Variants in NEK10 observed in about 807,000 individuals in gnomAD.
The protein encoded by NEK10 is serine/threonine-protein kinase Nek10.
NEK10 carries 122 observed loss-of-function variants against 159.8 expected under a neutral mutation model. The observed-to-expected ratio is 0.76, with a 90% CI of 0.66 to 0.89. The LOEUF (loss-of-function observed/expected upper bound fraction) is 0.89. NEK10 is among the 40% of genes least tolerant of loss of function. The pLI, the probability that NEK10 is intolerant of heterozygous loss-of-function variation, is 0.00. For synonymous variants in NEK10, 466 were observed against 457.1 expected, an observed-to-expected ratio of 1.02 and a Z score of -0.25; for missense variants, 1,342 against 1,323.1, an observed-to-expected ratio of 1.01 and a Z score of -0.22.
chr3:27,170,001 T>A (rs996325996), intron 29 of NEK10, among the ~76,000 whole-genome samples: 29 of 152,242 alleles, frequency 1.9e-4, no homozygotes, highest in African/African-American at 5.8e-4. Flanking sequence ...CCCAAAAATG[T>A]CTCCTTTATA....
At chr3:27,142,760 A>G (rs1283264270) in intron 30 of NEK10, among the ~76,000 whole-genome samples, 1 of 152,232 alleles carries the variant, frequency 6.6e-6, no homozygotes, top group Non-Finnish European at 1.5e-5. Context: ...TTATAAGCAC[A>G]TGAAAATGTA....
At position 27,352,889 on chromosome 3, in the gene NEK10, A is replaced by T; in HGVS notation, c.-7T>A. On this transcript the variant is annotated 5_prime_UTR_variant, in exon 2 of 36. Coordinates refer to ENST00000691995, the MANE Select transcript of NEK10 (RefSeq NM_001394966.1). The stretch of plus-strand genomic sequence containing the variant: ...TTTTATCTTGATCAGGCATTGTAAA[A>T]CATCAATGCCCCAGAATTAACATCG... The T allele has an allele frequency of 6.3e-7, 1 of 1,591,108 alleles. No individual in the cohort carries two copies. Among genetic ancestry groups the T allele is most frequent in the Non-Finnish European group, 8.6e-7 (1 of 1,160,312 alleles).
At chr3:27,296,530 G>T (rs1294874407) in intron 14 of NEK10, among the ~76,000 whole-genome samples, 1 of 152,172 alleles carries the variant, frequency 6.6e-6, no homozygotes, top group Non-Finnish European at 1.5e-5. Flanking sequence ...TACGGATCTT[G>T]AAGTTGGATA....
intron 22 of NEK10, among the ~76,000 whole-genome samples, chr3:27,272,353 A>T (rs1475002348): frequency 6.6e-6 from 1 of 152,152 alleles, no homozygotes; most frequent in Non-Finnish European, 1.5e-5. Flanking sequence ...CCTGGGCTTG[A>T]AATCTTTGCC....
intron 26 of NEK10, among the ~76,000 whole-genome samples, chr3:27,176,626 T>G (rs994808822): frequency 1.3e-5 from 2 of 152,210 alleles, no homozygotes; most frequent in Non-Finnish European, 2.9e-5. Flanking sequence ...CACAAAACCC[T>G]TCTTCCTCTA....
chr3:27,121,015 T>A (rs1323130797), intron 32 of NEK10, among the ~76,000 whole-genome samples: 1 of 152,174 alleles, frequency 6.6e-6, no homozygotes, highest in Non-Finnish European at 1.5e-5. Flanking sequence ...GAGAAAACTA[T>A]TTGCAATAGA....
intron 1 of NEK10, among the ~76,000 whole-genome samples, chr3:27,365,163 T>C (rs1011590883): frequency 6.6e-6 from 1 of 152,246 alleles, no homozygotes; most frequent in Non-Finnish European, 1.5e-5. Flanking sequence ...ATTTTATTCA[T>C]ACTTTTCATA....
chr3:27,163,509 G>A (rs555323524), intron 29 of NEK10, among the ~76,000 whole-genome samples: 19 of 151,998 alleles, frequency 1.3e-4, no homozygotes, highest in African/African-American at 4.6e-4. Flanking sequence ...CCGCCACCAC[G>A]CCCAGCTAAT....
chr3:27,278,595 T>C (rs143989408), intron 22 of NEK10: 41 of 619,422 alleles, frequency 6.6e-5, no homozygotes, highest in Non-Finnish European at 7.9e-5. Context: ...GCCTGTTTGT[T>C]TGCAAGATGA....
chr3:27,213,254 TC>T (rs1465604110), intron 23 of NEK10, among the ~76,000 whole-genome samples: 1 of 152,156 alleles, frequency 6.6e-6, no homozygotes, highest in Non-Finnish European at 1.5e-5. Context: ...GAACCTGGAC[TC>T]CCTCCACTGG....
intron 30 of NEK10, among the ~76,000 whole-genome samples, chr3:27,142,663 C>T (rs1943899989): frequency 6.6e-6 from 1 of 152,138 alleles, no homozygotes; most frequent in Non-Finnish European, 1.5e-5. Flanking sequence ...CCTGAGAAAG[C>T]TTGCATATTT....
At chr3:27,249,990 G>T (rs890943360) in intron 23 of NEK10, among the ~76,000 whole-genome samples, 1 of 152,018 alleles carries the variant, frequency 6.6e-6, no homozygotes, top group African/African-American at 2.4e-5. Context: ...CAAGCAAAAA[G>T]AAAACATAAA....
chr3:27,213,458 C>A (rs1379870789), intron 23 of NEK10, among the ~76,000 whole-genome samples: 2 of 152,092 alleles, frequency 1.3e-5, no homozygotes, highest in Non-Finnish European at 2.9e-5. Context: ...ACTAACGTGA[C>A]CAAAAATTAA....
chr3:27,312,219 A>G (rs376443317), intron 7 of NEK10, 42 bp from the exon 8 acceptor site: 386 of 1,273,404 alleles, frequency 3.0e-4, no homozygotes, highest in Non-Finnish European at 3.9e-4. Flanking sequence ...AGGACACCAA[A>G]AGCACCCAAG....
chr3:27,326,855 C>T (rs978037648), intron 5 of NEK10, among the ~76,000 whole-genome samples: 19 of 152,148 alleles, frequency 1.2e-4, no homozygotes, highest in Non-Finnish European at 1.2e-4. Flanking sequence ...GGCTCTCAGC[C>T]CTTAACCCAC....
chr3:27,294,083 T>C (rs1189253061), intron 15 of NEK10, among the ~76,000 whole-genome samples: 1 of 152,206 alleles, frequency 6.6e-6, no homozygotes, highest in Non-Finnish European at 1.5e-5. Flanking sequence ...CATATAAAAA[T>C]AGCCGCAGGC....
intron 22 of NEK10, among the ~76,000 whole-genome samples, chr3:27,267,623 G>T (rs79450782): frequency 2.6e-5 from 4 of 151,982 alleles, no homozygotes; most frequent in Admixed American, 2.6e-4. Flanking sequence ...CATATAAGAC[G>T]GCAAACTTAA....
At chr3:27,308,009 T>G in intron 10 of NEK10, 64 bp from the exon 11 acceptor site, 1 of 783,108 alleles carries the variant, frequency 1.3e-6, no homozygotes, top group African/African-American at 1.7e-5. Context: ...GTATTAGTCC[T>G]TTTTCAAACT....
intron 22 of NEK10, among the ~76,000 whole-genome samples, chr3:27,282,760 C>T (rs1241242319): frequency 2.1e-5 from 3 of 140,232 alleles, no homozygotes; most frequent in African/African-American, 5.2e-5. Context: ...TATATATATA[C>T]TATTTGTTAT....
Sources: allele counts gnomAD v4.1 joint callset (sites outside exome capture counted in the v4.1 genomes callset), GRCh38; gene constraint gnomAD v4.1.1; transcripts MANE v1.5; gene names NCBI Gene and HGNC (gene_info 2026-07-23, HGNC 2026-07-21).